YES1: variants seen among roughly 807,000 people sequenced by gnomAD.
The protein encoded by YES1 is YES proto-oncogene 1, Src family tyrosine kinase.
Under a neutral mutation model 70.4 loss-of-function variants are expected in YES1, and 39 were observed. The ratio of observed to expected loss-of-function variants is 0.55; its 90% CI spans 0.43 to 0.72. The LOEUF is 0.72. Among genes scored for constraint, YES1 ranks in the 30% least tolerant of loss-of-function variants. YES1 has a pLI of 0.00. For synonymous variants in YES1, 198 were observed against 218.6 expected, an observed-to-expected ratio of 0.91 and a Z score of 0.83; for missense variants, 495 against 644.8, an observed-to-expected ratio of 0.77 and a Z score of 2.52.
intron 3 of YES1, among the ~76,000 whole-genome samples, chr18:749,097 G>A (rs1363519253): frequency 6.6e-6 from 1 of 151,824 alleles, no homozygotes; most frequent in Non-Finnish European, 1.5e-5. Flanking sequence ...GGAGGTGGAG[G>A]TTGCAGTGAG....
intron 1 of YES1, among the ~76,000 whole-genome samples, chr18:769,852 G>C (rs897810439): frequency 5.3e-5 from 8 of 152,200 alleles, no homozygotes; most frequent in African/African-American, 1.9e-4. Flanking sequence ...CTATGGTCAA[G>C]AACCACATTG....
chr18:743,090 C>T lies in YES1; in HGVS notation c.888G>A (p.Trp296Ter). 1.3e-6 allele frequency: 2 copies of T among 1,587,080 alleles called. No individual in the cohort carries two copies. Among genetic ancestry groups the T allele is most frequent in the Non-Finnish European group, 1.7e-6 (2 of 1,171,494 alleles). The change falls in exon 8 of 12, where the codon TGG (tryptophan) becomes TGA (stop). Residue 296 changes from tryptophan to a stop codon, truncating the protein, a stop_gained. Coordinates refer to ENST00000314574, the MANE Select transcript of YES1 (RefSeq NM_005433.4). LOFTEE classifies it high-confidence loss of function. Reference protein sequence around the residue: ...GCFGEVWMGTWNGTTKVAIKT... With the variant: ...GCFGEVWMGT ...TGATTGCTACTTTCGTGGTTCCATT[C>T]CATGTTCCTAAAGAAATAACACATT...
At chr18:801,701 A>T (rs182892368) in intron 1 of YES1, among the ~76,000 whole-genome samples, 3 of 152,336 alleles carry the variant, frequency 2.0e-5, no homozygotes, top group East Asian at 1.9e-4. Context: ...ATGTATAGAG[A>T]GTGTGTATGT....
chr18:726,242 G>A (rs1015006471), intron 11 of YES1, among the ~76,000 whole-genome samples: 2 of 151,978 alleles, frequency 1.3e-5, no homozygotes, highest in African/African-American at 4.8e-5. Flanking sequence ...TGGCCAACAT[G>A]GTGAAGCCCC....
chr18:742,448 C>T (rs2080226628), intron 8 of YES1, among the ~76,000 whole-genome samples: 1 of 122,972 alleles, frequency 8.1e-6, no homozygotes, highest in Non-Finnish European at 1.7e-5. Context: ...GTTGAGACCC[C>T]AGTCTCTATT....
intron 1 of YES1, among the ~76,000 whole-genome samples, chr18:803,265 C>T (rs1906918348): frequency 6.6e-6 from 1 of 152,130 alleles, no homozygotes; most frequent in Admixed American, 6.5e-5. Context: ...CATCTCATTC[C>T]TAATTTTTCT....
chr18:803,633 T>C (rs1185794942), intron 1 of YES1, among the ~76,000 whole-genome samples: 1 of 152,184 alleles, frequency 6.6e-6, no homozygotes, highest in Admixed American at 6.5e-5. Flanking sequence ...TTAAGCTTAA[T>C]AGCAATGCCT....
At chr18:775,691 G>T (rs953211006) in intron 1 of YES1, among the ~76,000 whole-genome samples, 1 of 152,090 alleles carries the variant, frequency 6.6e-6, no homozygotes, top group African/African-American at 2.4e-5. Context: ...CAGACACTTG[G>T]GAGGCTGAGG....
chr18:762,473 C>T (rs1327433541), intron 1 of YES1, among the ~76,000 whole-genome samples: 1 of 152,032 alleles, frequency 6.6e-6, no homozygotes, highest in Non-Finnish European at 1.5e-5. Flanking sequence ...TGCACGTGCA[C>T]CCCTTGAATC....
At chr18:794,294 C>T (rs895683554) in intron 1 of YES1, among the ~76,000 whole-genome samples, 2 of 152,098 alleles carry the variant, frequency 1.3e-5, no homozygotes, top group Non-Finnish European at 2.9e-5. Flanking sequence ...CATGAGGAAA[C>T]ATCAAACAAA....
In YES1 at chr18:792,215, A is replaced by C. The variant is rs372068018; in HGVS notation, c.-9+19899T>G. Among the ~76,000 whole-genome samples the C allele has an allele frequency of 1.6e-4, 24 of 151,478 alleles. No homozygotes were observed. In the East Asian group the frequency reaches 2.7e-3, roughly 17 times the overall value. On this transcript the variant is annotated intron_variant, in intron 1 of 11. Coordinates refer to ENST00000314574, the MANE Select transcript of YES1 (RefSeq NM_005433.4). ...GCTACTCCAGAGGCTGAGGCAGGAG[A>C]ATTGTTTCAACCCAGGAGGCAGAGG...
At chr18:762,181 G>A (rs899940992) in intron 1 of YES1, among the ~76,000 whole-genome samples, 7 of 152,330 alleles carry the variant, frequency 4.6e-5, no homozygotes, top group Admixed American at 1.3e-4. Context: ...TTAGCTGGGC[G>A]TGGTGGCCCA....
rs551137598 is a variant in YES1, at chr18:756,270, C to T, written c.271+287G>A. Among the ~76,000 whole-genome samples, 20 of 131,420 alleles carry T rather than the reference C, an allele frequency of 1.5e-4. No individual in the cohort carries two copies. The South Asian group carries it at 4.6e-3, about 30-fold the overall frequency. The allele number at this position is 131,420 out of a possible 152,430, so 86.2% of individuals were successfully genotyped here. A position where few individuals can be genotyped will look rare whatever the true frequency, so the allele number is the denominator to read the frequency against. ...TATATGTTTTTAATCTTTATGTTCC[C>T]GGTGCCTACAGTGGGGGGGGGCTCA... On this transcript the variant is annotated intron_variant, in intron 2 of 11. Transcript: ENST00000314574.
chr18:745,076 G>A (rs1335808222), intron 6 of YES1, among the ~76,000 whole-genome samples: 2 of 152,092 alleles, frequency 1.3e-5, no homozygotes, highest in Admixed American at 1.3e-4. Context: ...GCAGCTAGCT[G>A]TCATTGAAGA....
rs947038358 is a variant in YES1 at position 722,557 on chromosome 18, T to C, written c.*1867A>G. 6.6e-6 allele frequency: 1 copy of C among 152,514 alleles called. No individual in the cohort carries two copies. The highest frequency in any genetic ancestry group is 2.4e-5 in the African/African-American group (1 of 41,472). 9.4% of individuals were successfully genotyped at this position (152,514 alleles called of 1,614,324 possible). On this transcript the variant is annotated 3_prime_UTR_variant, in exon 12 of 12. Coordinates refer to ENST00000314574, the MANE Select transcript of YES1 (RefSeq NM_005433.4). The stretch of plus-strand genomic sequence containing the variant: ...AAACATATACACCAGACCTTCATTT[T>C]ATTCATCAATTTTTCCTTTGCTAGA...
At chr18:777,590 T>A (rs1262732794) in intron 1 of YES1, among the ~76,000 whole-genome samples, 1 of 151,934 alleles carries the variant, frequency 6.6e-6, no homozygotes, top group Non-Finnish European at 1.5e-5. Context: ...GCGGATCACT[T>A]GAGGTCAGAA....
chr18:747,892 A>C (rs1415662431), intron 4 of YES1, 28 bp downstream of exon 4: 5 of 1,599,700 alleles, frequency 3.1e-6, no homozygotes, highest in African/African-American at 1.3e-5. Context: ...AATCAAAATA[A>C]TTAATAAAAT....
chr18:722,233 G>A lies in YES1; in HGVS notation c.*2191C>T, dbSNP rs1568177910. On this transcript the variant is annotated 3_prime_UTR_variant, in exon 12 of 12. Transcript: ENST00000314574. ...CTCATGTCACAAGTTGTTGATAAGA[G>A]GAAATAATGACAGCACTCTTCTTAG... The A allele has an allele frequency of 6.6e-6, 1 of 152,588 alleles. No individual in the cohort carries two copies. The allele number at this position is 152,588 out of a possible 1,614,324, so 9.5% of individuals were successfully genotyped here.
At chr18:788,377 A>T (rs1191477456) in intron 1 of YES1, among the ~76,000 whole-genome samples, 1 of 152,196 alleles carries the variant, frequency 6.6e-6, no homozygotes, top group African/African-American at 2.4e-5. Context: ...CGTATTTCTG[A>T]AATAGGGCTT....
Sources: gnomAD v4.1 joint callset for allele counts (sites outside exome capture counted in the v4.1 genomes callset) on GRCh38, gnomAD v4.1.1 for gene constraint, MANE v1.5 for transcripts, NCBI Gene and HGNC (gene_info 2026-07-23, HGNC 2026-07-21) for gene names.